ITPKB: variants seen among roughly 807,000 people sequenced by gnomAD.
The protein encoded by ITPKB is inositol-trisphosphate 3-kinase B.
A neutral mutation model predicts 69.4 loss-of-function variants in ITPKB; 13 were observed. The ratio of observed to expected loss-of-function variants is 0.19; its 90% CI spans 0.12 to 0.30. The LOEUF is 0.30. ITPKB is among the 10% of genes least tolerant of loss of function. The pLI is 1.00. For missense variants in ITPKB, 1,240 were observed against 1,250.5 expected, an observed-to-expected ratio of 0.99 and a Z score of 0.13; for synonymous variants, 584 against 513.7, an observed-to-expected ratio of 1.14 and a Z score of -1.85.
chr1:226,734,610 A>G lies in ITPKB; in HGVS notation c.1932+917T>C, dbSNP rs565125751. 8.5e-5 allele frequency among the ~76,000 whole-genome samples: 13 copies of G among 152,352 alleles called. No homozygotes were observed. The South Asian group carries it at 2.1e-3, about 24-fold the overall frequency. ...AAGCCCAGACCTTTTCAGAAGTGCTAGCTTCAACTCCTATGTCTTCTGTAA... is the reference window on the plus strand; with the variant it reads ...AAGCCCAGACCTTTTCAGAAGTGCTGGCTTCAACTCCTATGTCTTCTGTAA... On this transcript the variant is annotated intron_variant, in intron 2 of 7. Coordinates refer to ENST00000429204, the MANE Select transcript of ITPKB (RefSeq NM_002221.4).
chr1:226,737,765 C>G (rs551582521), intron 1 of ITPKB, 102 bp from the exon 2 acceptor site: 1 of 207,918 alleles, frequency 4.8e-6, no homozygotes, highest in East Asian at 1.6e-4. Context: ...CACAATCTAT[C>G]CGGGACCCAG....
At chr1:226,705,481 A>G (rs1448859273) in intron 2 of ITPKB, among the ~76,000 whole-genome samples, 1 of 151,324 alleles carries the variant, frequency 6.6e-6, no homozygotes, top group Non-Finnish European at 1.5e-5. Flanking sequence ...GTGAGCCAAG[A>G]TCGCACCATT....
intron 2 of ITPKB, among the ~76,000 whole-genome samples, chr1:226,703,585 CG>C (rs1475324341): frequency 1.3e-5 from 2 of 152,324 alleles, no homozygotes; most frequent in East Asian, 3.9e-4. Flanking sequence ...CGCCGTCTCC[CG>C]GCATGCTCGG....
chr1:226,686,712 A>G (rs879556705), intron 2 of ITPKB, among the ~76,000 whole-genome samples: 1 of 152,260 alleles, frequency 6.6e-6, no homozygotes, highest in Non-Finnish European at 1.5e-5. Context: ...GGATTCTTTC[A>G]TGAAAGATCA....
intron 2 of ITPKB, among the ~76,000 whole-genome samples, chr1:226,703,572 G>A (rs1474770041): frequency 6.6e-6 from 1 of 152,184 alleles, no homozygotes; most frequent in Non-Finnish European, 1.5e-5. Flanking sequence ...GCCGGGGAGG[G>A]GGCGCCGTCT....
At chr1:226,684,884 AG>A (rs1433921585) in intron 2 of ITPKB, among the ~76,000 whole-genome samples, 2 of 152,172 alleles carry the variant, frequency 1.3e-5, no homozygotes, top group Admixed American at 6.5e-5. Context: ...CCCATCATGG[AG>A]GGCCCCTGCC....
chr1:226,680,383 G>C (rs1571855777), intron 2 of ITPKB, among the ~76,000 whole-genome samples: 1 of 152,216 alleles, frequency 6.6e-6, no homozygotes, highest in Non-Finnish European at 1.5e-5. Flanking sequence ...GGGGGAGGTA[G>C]GGAAGCCTGA....
At chr1:226,663,801 TG>T (rs1669444588) in intron 2 of ITPKB, among the ~76,000 whole-genome samples, 3 of 152,220 alleles carry the variant, frequency 2.0e-5, no homozygotes, top group Admixed American at 6.5e-5. Context: ...CTCAAAGTGC[TG>T]GGATTACAGG....
intron 2 of ITPKB, among the ~76,000 whole-genome samples, chr1:226,680,063 G>A (rs957794648): frequency 3.3e-5 from 5 of 152,202 alleles, no homozygotes; most frequent in African/African-American, 1.2e-4. Flanking sequence ...ACCACACCTC[G>A]ATCCTAACAC....
At chr1:226,697,750 T>C (rs1042672885) in intron 2 of ITPKB, among the ~76,000 whole-genome samples, 5 of 152,096 alleles carry the variant, frequency 3.3e-5, no homozygotes, top group South Asian at 2.1e-4. Flanking sequence ...ATTAGTGAAA[T>C]AGACAATTCT....
intron 2 of ITPKB, among the ~76,000 whole-genome samples, chr1:226,704,434 G>C: frequency 6.6e-6 from 1 of 152,202 alleles, no homozygotes; most frequent in Non-Finnish European, 1.5e-5. Flanking sequence ...AAAGCTTCTC[G>C]TGTGTGCTAA....
At chr1:226,702,398 G>GAAAA (rs543738819) in intron 2 of ITPKB, among the ~76,000 whole-genome samples, 3 of 138,056 alleles carry the variant, frequency 2.2e-5, no homozygotes, top group African/African-American at 8.2e-5. Context: ...ACTCCCTCTC[G>GAAAA]GAAAAAAAAA....
intron 2 of ITPKB, among the ~76,000 whole-genome samples, chr1:226,722,289 T>G (rs1475261040): frequency 1.3e-5 from 2 of 152,174 alleles, no homozygotes; most frequent in East Asian, 3.9e-4. Context: ...CCTAGGAGAC[T>G]CTCCTGCCTT....
chr1:226,658,420 A>G (rs1360407648), intron 2 of ITPKB, among the ~76,000 whole-genome samples: 1 of 152,196 alleles, frequency 6.6e-6, no homozygotes, highest in Non-Finnish European at 1.5e-5. Flanking sequence ...TGCCCCTGCC[A>G]AAAAGGAGCT....
chr1:226,736,298 A>G lies in ITPKB; in HGVS notation c.1161T>C (p.Pro387=). The G allele has an allele frequency of 6.2e-7, 1 of 1,605,726 alleles. No individual in the cohort carries two copies. Among genetic ancestry groups the G allele is most frequent in the Non-Finnish European group, 8.5e-7 (1 of 1,176,828 alleles). The stretch of plus-strand genomic sequence containing the variant: ...TCTCCTCTGGCCTTTTGCCCACTTC[A>G]GGCTCCCCAGAGCCCGGCATGCCAC... The part of the protein sequence containing the change: ...LPCGMPGSGE[P]EVGKRPEETT... The change falls in exon 2 of 8, where the codon CCT becomes CCC. Residue 387 remains proline (P), a synonymous_variant. Transcript: ENST00000429204.
At chr1:226,719,634 A>G (rs950125652) in intron 2 of ITPKB, among the ~76,000 whole-genome samples, 1 of 152,212 alleles carries the variant, frequency 6.6e-6, no homozygotes. Flanking sequence ...ATTGCATTCA[A>G]TTCCTGCTTA....
chr1:226,655,677 G>A (rs1291532374), intron 2 of ITPKB, among the ~76,000 whole-genome samples: 1 of 152,236 alleles, frequency 6.6e-6, no homozygotes, highest in Non-Finnish European at 1.5e-5. Flanking sequence ...CTTCTCCGCA[G>A]GAGGCCAAGC....
chr1:226,735,439 T>C (rs1301728210), intron 2 of ITPKB, 88 bp downstream of exon 2: 2 of 1,373,072 alleles, frequency 1.5e-6, no homozygotes, highest in African/African-American at 1.6e-5. Flanking sequence ...CATGACTGTG[T>C]AGAAAGTTAA....
At chr1:226,652,078 T>C (rs531936090) in intron 2 of ITPKB, among the ~76,000 whole-genome samples, 1 of 152,334 alleles carries the variant, frequency 6.6e-6, no homozygotes, top group Non-Finnish European at 1.5e-5. Context: ...GGTTTCCCCA[T>C]GGTTTTTAAA....
Sources: gnomAD v4.1 joint callset for allele counts (sites outside exome capture counted in the v4.1 genomes callset) on GRCh38, gnomAD v4.1.1 for gene constraint, MANE v1.5 for transcripts, NCBI Gene and HGNC (gene_info 2026-07-23, HGNC 2026-07-21) for gene names.